Variants in TWSG1 observed in about 807,000 individuals in gnomAD.
TWSG1 encodes the protein twisted gastrulation protein homolog 1.
A neutral mutation model predicts 23.0 loss-of-function variants in TWSG1; 15 were observed. The observed-to-expected ratio is 0.65, with a 90% CI of 0.44 to 1.00. The LOEUF is 1.00. TWSG1 is among the 50% of genes least tolerant of loss of function. The pLI is 0.00. For missense variants in TWSG1, 242 were observed against 278.7 expected, an observed-to-expected ratio of 0.87 and a Z score of 0.94; for synonymous variants, 86 against 92.8, an observed-to-expected ratio of 0.93 and a Z score of 0.42.
rs2040759067 is a variant in TWSG1, at chr18:9,400,689, A to T, written c.*1162A>T. 6.6e-6 allele frequency: 1 copy of T among 152,196 alleles called. No homozygotes were observed. Among genetic ancestry groups the T allele is most frequent in the South Asian group, 2.1e-4 (1 of 4,826 alleles). 9.4% of individuals were successfully genotyped at this position (152,196 alleles called of 1,614,324 possible). Reference sequence around the variant, plus strand: ...TATAATCATATCGTCGGAGGTTAAGATTATGAAATTTTAGAATCTCTATTC... The same window carrying T: ...TATAATCATATCGTCGGAGGTTAAGTTTATGAAATTTTAGAATCTCTATTC... On this transcript the variant is annotated 3_prime_UTR_variant, in exon 5 of 5. Coordinates refer to ENST00000262120, the MANE Select transcript of TWSG1 (RefSeq NM_020648.6).
rs943211321 is a variant in TWSG1, at chr18:9,399,219, G to T, written c.491-127G>T. 10 of 552,390 alleles carry T rather than the reference G, an allele frequency of 1.8e-5. No individual in the cohort carries two copies. The Admixed American group carries it at 3.4e-4, about 19-fold the overall frequency. 34.2% of individuals were successfully genotyped at this position (552,390 alleles called of 1,614,324 possible). A position where few individuals can be genotyped will look rare whatever the true frequency, so the allele number is the denominator to read the frequency against. ...ATCTTTTTTCCTGTACCTCATCTTT[G>T]TCATGTACAGACCAGTAATAAGAGA... On this transcript the variant is annotated intron_variant, in intron 4 of 4. Coordinates refer to ENST00000262120, the MANE Select transcript of TWSG1 (RefSeq NM_020648.6).
At chr18:9,368,711 G>A (rs148713091) in intron 3 of TWSG1, among the ~76,000 whole-genome samples, 1,572 of 152,258 alleles carry the variant, frequency 0.01, 15 homozygotes, top group Non-Finnish European at 0.017. Context: ...ACTTTGGGAG[G>A]CCAAGGAGGG....
At chr18:9,394,524 A>G (rs1002890545) in intron 3 of TWSG1, among the ~76,000 whole-genome samples, 1 of 152,188 alleles carries the variant, frequency 6.6e-6, no homozygotes, top group African/African-American at 2.4e-5. Flanking sequence ...TAGGATGACT[A>G]TAGTTAACAA....
At chr18:9,364,450 G>T (rs1271666332) in intron 3 of TWSG1, among the ~76,000 whole-genome samples, 1 of 152,140 alleles carries the variant, frequency 6.6e-6, no homozygotes, top group Admixed American at 6.6e-5. Flanking sequence ...TTCACCTGGT[G>T]ATTTCACCCC....
At chr18:9,356,034 G>T (rs778875852) in intron 2 of TWSG1, among the ~76,000 whole-genome samples, 54 of 152,266 alleles carry the variant, frequency 3.5e-4, no homozygotes, top group Non-Finnish European at 4.4e-4. Flanking sequence ...GGATATTGTT[G>T]TTTGGTGTCC....
In TWSG1 at chr18:9,359,975, C is replaced by T; in HGVS notation, c.127C>T (p.Leu43Phe). 1 of 1,612,730 alleles carries T rather than the reference C, an allele frequency of 6.2e-7. No individual in the cohort carries two copies. Among genetic ancestry groups the T allele is most frequent in the African/African-American group, 1.3e-5 (1 of 75,002 alleles). Residue 43 changes from leucine to phenylalanine, a missense_variant, in exon 3 of 5, where the codon CTC becomes TTC. Leu to Phe is a conservative substitution (Grantham distance 22, BLOSUM62 0). Coordinates refer to ENST00000262120, the MANE Select transcript of TWSG1 (RefSeq NM_020648.6). ...SDVSKCLIQE[L>F]CQCRPGEGNC... Reference sequence around the variant, plus strand: ...TTAACATCTGTCTTGTTTCTAGGAGCTCTGCCAGTGCCGGCCGGGAGAAGG... The same window carrying T: ...TTAACATCTGTCTTGTTTCTAGGAGTTCTGCCAGTGCCGGCCGGGAGAAGG...
rs926457703 is a variant in TWSG1, at chr18:9,399,572, T to C, written c.*45T>C. 6.6e-7 allele frequency: 1 copy of C among 1,507,288 alleles called. No individual in the cohort carries two copies. Among genetic ancestry groups the C allele is most frequent in the African/African-American group, 1.4e-5 (1 of 71,132 alleles). The allele number at this position is 1,507,288 out of a possible 1,614,324, so 93.4% of individuals were successfully genotyped here. A position where few individuals can be genotyped will look rare whatever the true frequency, so the allele number is the denominator to read the frequency against. Reference sequence around the variant, plus strand: ...AAGCAACTTAGTAAAATAATAGGTATAAAAAGTTATTCTGTAAGTCTGTTG... The same window carrying C: ...AAGCAACTTAGTAAAATAATAGGTACAAAAAGTTATTCTGTAAGTCTGTTG... On this transcript the variant is annotated 3_prime_UTR_variant, in exon 5 of 5. Transcript: ENST00000262120.
chr18:9,362,356 A>G (rs1027586674), intron 3 of TWSG1, among the ~76,000 whole-genome samples: 15 of 152,064 alleles, frequency 9.9e-5, no homozygotes, highest in African/African-American at 2.7e-4. Context: ...TGCAGGCATG[A>G]GCCACAACAC....
intron 2 of TWSG1, among the ~76,000 whole-genome samples, chr18:9,358,660 TTTATAAGA>T (rs2145606318): frequency 6.6e-6 from 1 of 152,232 alleles, no homozygotes; most frequent in East Asian, 1.9e-4. Flanking sequence ...CACTTAAAAC[TTTATAAGA>T]TTAGGACCGG....
intron 3 of TWSG1, among the ~76,000 whole-genome samples, chr18:9,373,065 A>G (rs952427762): frequency 6.6e-6 from 1 of 152,232 alleles, no homozygotes; most frequent in African/African-American, 2.4e-5. Context: ...GGAGAATGAT[A>G]TACAATGGTA....
Position 9,402,419 on chromosome 18 carries a change from G to C in TWSG1, c.*2892G>C, listed in dbSNP as rs1194127878. On this transcript the variant is annotated 3_prime_UTR_variant, in exon 5 of 5. Coordinates refer to ENST00000262120, the MANE Select transcript of TWSG1 (RefSeq NM_020648.6). ...AAGTATTTTAATAAAAAATTGAAATGAGTGAGTCATATTTTTTGTTAACTT... is the reference window on the plus strand; with the variant it reads ...AAGTATTTTAATAAAAAATTGAAATCAGTGAGTCATATTTTTTGTTAACTT... 4 of 152,076 alleles carry C rather than the reference G, an allele frequency of 2.6e-5. No homozygotes were observed. The highest frequency in any genetic ancestry group is 4.8e-5 in the African/African-American group (2 of 41,408). 9.4% of individuals were successfully genotyped at this position (152,076 alleles called of 1,614,324 possible). A position where few individuals can be genotyped will look rare whatever the true frequency, so the allele number is the denominator to read the frequency against.
intron 2 of TWSG1, among the ~76,000 whole-genome samples, chr18:9,352,060 G>T (rs1179661192): frequency 6.6e-6 from 1 of 152,104 alleles, no homozygotes; most frequent in Non-Finnish European, 1.5e-5. Context: ...ATTCCCTTGT[G>T]CCCCCTTTGT....
intron 3 of TWSG1, among the ~76,000 whole-genome samples, chr18:9,376,162 C>T (rs911397448): frequency 2.0e-5 from 3 of 152,224 alleles, no homozygotes; most frequent in East Asian, 1.9e-4. Flanking sequence ...AGTGATCCCC[C>T]TGCCTCAGCC....
In TWSG1 at chr18:9,399,876, G is replaced by T; in HGVS notation, c.*349G>T. On this transcript the variant is annotated 3_prime_UTR_variant, in exon 5 of 5. Coordinates refer to ENST00000262120, the MANE Select transcript of TWSG1 (RefSeq NM_020648.6). ...TCCAAAAGGTTTTTGCTTTGAAAGT[G>T]TTAGCAGAAGCATGTTGATGTGAAT... 5.8e-6 allele frequency: 1 copy of T among 172,772 alleles called. No homozygotes were observed. The allele number at this position is 172,772 out of a possible 1,614,324, so 10.7% of individuals were successfully genotyped here.
intron 4 of TWSG1, chr18:9,396,873 A>G (rs1411898227): frequency 5.3e-6 from 2 of 379,720 alleles, no homozygotes; most frequent in East Asian, 4.5e-5. Flanking sequence ...AGCCTGACCA[A>G]CATGGTGAAA....
At chr18:9,335,471 A>T (rs112515358) in intron 1 of TWSG1, among the ~76,000 whole-genome samples, 1 of 152,260 alleles carries the variant, frequency 6.6e-6, no homozygotes, top group Non-Finnish European at 1.5e-5. Context: ...TTTTCCAGTG[A>T]AATTTGGGGA....
At chr18:9,398,301 G>A (rs2040747228) in intron 4 of TWSG1, among the ~76,000 whole-genome samples, 2 of 152,012 alleles carry the variant, frequency 1.3e-5, no homozygotes, top group African/African-American at 2.4e-5. Context: ...AATTTATGAA[G>A]CAATTAGCAA....
chr18:9,370,023 A>C (rs933129406), intron 3 of TWSG1, among the ~76,000 whole-genome samples: 1 of 152,096 alleles, frequency 6.6e-6, no homozygotes, highest in African/African-American at 2.4e-5. Flanking sequence ...TTCATGTCCC[A>C]AAGAATCATT....
chr18:9,389,575 T>C (rs1254198369), intron 3 of TWSG1, among the ~76,000 whole-genome samples: 1 of 152,202 alleles, frequency 6.6e-6, no homozygotes, highest in African/African-American at 2.4e-5. Context: ...GTTATTCAAG[T>C]TCAGCTGTAT....
Sources: gnomAD v4.1 joint callset for allele counts (sites outside exome capture counted in the v4.1 genomes callset) on GRCh38, gnomAD v4.1.1 for gene constraint, MANE v1.5 for transcripts, NCBI Gene and HGNC (gene_info 2026-07-23, HGNC 2026-07-21) for gene names.